Variants in ZBTB20 observed in about 807,000 individuals in gnomAD.
ZBTB20 encodes the protein zinc finger and BTB domain-containing protein 20.
A neutral mutation model predicts 56.9 loss-of-function variants in ZBTB20; 9 were observed. The observed-to-expected ratio is 0.16, with a 90% confidence interval of 0.10 to 0.28. The LOEUF (loss-of-function observed/expected upper bound fraction) is 0.28. Ranked by LOEUF, ZBTB20 falls within the 10% of genes least tolerant of loss-of-function variation. The pLI is 1.00. For missense variants in ZBTB20, 655 were observed against 1,003.0 expected, an observed-to-expected ratio of 0.65 and a Z score of 4.69; for synonymous variants, 417 against 420.7, an observed-to-expected ratio of 0.99 and a Z score of 0.11.
At chr3:115,143,710 T>G (rs2084884188) in intron 1 of ZBTB20, among the ~76,000 whole-genome samples, 1 of 152,204 alleles carries the variant, frequency 6.6e-6, no homozygotes, top group African/African-American at 2.4e-5. Context: ...TTTTATTAAT[T>G]TCAAAGACAT....
chr3:114,733,593 T>C (rs139392292), intron 5 of ZBTB20, among the ~76,000 whole-genome samples: 1 of 152,334 alleles, frequency 6.6e-6, no homozygotes, highest in African/African-American at 2.4e-5. Flanking sequence ...TACACTTTTC[T>C]ACCTCTTTTC....
chr3:114,860,542 G>A (rs7650935), intron 4 of ZBTB20, among the ~76,000 whole-genome samples: 12 of 152,252 alleles, frequency 7.9e-5, no homozygotes, highest in African/African-American at 2.6e-4. Flanking sequence ...TAGAGATTAC[G>A]TCATTACAAC....
intron 6 of ZBTB20, among the ~76,000 whole-genome samples, chr3:114,591,264 C>T (rs920246347): frequency 2.0e-5 from 3 of 152,056 alleles, no homozygotes; most frequent in African/African-American, 7.2e-5. Context: ...CATAAGAAAT[C>T]AGAGAAATAT....
intron 10 of ZBTB20, 132 bp downstream of exon 10, chr3:114,380,084 TG>T: frequency 1.1e-6 from 1 of 948,370 alleles, no homozygotes. Flanking sequence ...ATGAAAATGG[TG>T]GCACATTACT....
intron 6 of ZBTB20, among the ~76,000 whole-genome samples, chr3:114,624,714 G>T (rs752677677): frequency 6.6e-6 from 1 of 152,134 alleles, no homozygotes; most frequent in South Asian, 2.1e-4. Flanking sequence ...TTCAGGGAAG[G>T]GGGGAAGGGT....
Position 115,139,161 on chromosome 3 carries a change from T to C in ZBTB20, c.-703+8058A>G, listed in dbSNP as rs181194368. Among the ~76,000 whole-genome samples, 201 of 152,124 alleles carry C rather than the reference T, an allele frequency of 1.3e-3. 2 individuals are homozygous for C. Among genetic ancestry groups the C allele is most frequent in the African/African-American group, 4.7e-3 (196 of 41,540 alleles). ...ACGAGGTGATTTATAAAATATTATA[T>C]GATCAGTACCAGGAACATCTGGAGC... On this transcript the variant is annotated intron_variant, in intron 1 of 11. Transcript: ENST00000675478.
rs1303526340 is a variant in ZBTB20 at position 114,316,558 on chromosome 3, A to G, written c.*22447T>C. ...AAGTGTGTATACATTTATACATAAT[A>G]TAGTGTATATCGTTTCAACTGGAGA... On this transcript the variant is annotated 3_prime_UTR_variant, in exon 12 of 12. Transcript: ENST00000675478. The G allele has an allele frequency of 3.7e-6, 2 of 533,936 alleles. No homozygotes were observed. Among genetic ancestry groups the G allele is most frequent in the Admixed American group, 3.9e-5 (2 of 51,450 alleles). 33.1% of individuals were successfully genotyped at this position (533,936 alleles called of 1,614,324 possible).
chr3:115,126,219 A>C (rs2084328917), intron 1 of ZBTB20, among the ~76,000 whole-genome samples: 1 of 152,182 alleles, frequency 6.6e-6, no homozygotes, highest in Non-Finnish European at 1.5e-5. Flanking sequence ...TGTTAAAGAG[A>C]ATATGGGTCA....
At chr3:114,594,023 C>T (rs901689829) in intron 6 of ZBTB20, among the ~76,000 whole-genome samples, 1 of 152,270 alleles carries the variant, frequency 6.6e-6, no homozygotes, top group African/African-American at 2.4e-5. Context: ...TCCATCAACA[C>T]ATATGTCCCA....
At chr3:114,642,696 G>A (rs1312043207) in intron 6 of ZBTB20, among the ~76,000 whole-genome samples, 1 of 151,984 alleles carries the variant, frequency 6.6e-6, no homozygotes, top group East Asian at 1.9e-4. Context: ...TTCTGAAAAC[G>A]TTTTAAGTTA....
intron 5 of ZBTB20, among the ~76,000 whole-genome samples, chr3:114,767,481 A>G (rs993896147): frequency 9.2e-5 from 14 of 151,864 alleles, no homozygotes; most frequent in African/African-American, 3.1e-4. Context: ...ATTTTACCTT[A>G]TGAAGAGAAA....
chr3:114,455,061 GA>G (rs1162968883), intron 7 of ZBTB20, among the ~76,000 whole-genome samples: 4 of 143,412 alleles, frequency 2.8e-5, no homozygotes, highest in Non-Finnish European at 1.5e-5. Context: ...AGAGGGGGGG[GA>G]GAGAGAGAGA....
chr3:114,404,132 C>G (rs2087069999), intron 7 of ZBTB20, among the ~76,000 whole-genome samples: 3 of 152,176 alleles, frequency 2.0e-5, no homozygotes, highest in African/African-American at 7.2e-5. Context: ...AATACTGAAG[C>G]TATTTTTCCT....
chr3:114,785,380 T>C lies in ZBTB20; in HGVS notation c.-343+15721A>G, dbSNP rs536097257. Among the ~76,000 whole-genome samples the C allele has an allele frequency of 2.6e-5, 4 of 152,268 alleles. 1 individual carries two copies. In the South Asian group the frequency reaches 8.3e-4, roughly 32 times the overall value. ...ATCTTCAAACTATTAAATTATATTC[T>C]CTTTGTACGTCTAATGTGGAGACAA... On this transcript the variant is annotated intron_variant, in intron 5 of 11. Transcript: ENST00000675478.
rs191961198 is a variant in ZBTB20 at position 114,316,069 on chromosome 3, C to T, written c.*22936G>A. The T allele has an allele frequency of 5.1e-6, 1 of 197,720 alleles. No individual in the cohort carries two copies. Among genetic ancestry groups the T allele is most frequent in the East Asian group, 1.8e-4 (1 of 5,472 alleles). 12.2% of individuals were successfully genotyped at this position (197,720 alleles called of 1,614,324 possible). ...GTTTTGAGGTTTCTGACATCTTTCA[C>T]TGAAAAGGGCTTTCACTGTAGTAGT... On this transcript the variant is annotated 3_prime_UTR_variant, in exon 12 of 12. Coordinates refer to ENST00000675478, the MANE Select transcript of ZBTB20 (RefSeq NM_001348800.3).
At chr3:114,399,110 C>G (rs886068753) in intron 7 of ZBTB20, among the ~76,000 whole-genome samples, 6 of 152,098 alleles carry the variant, frequency 3.9e-5, no homozygotes, top group African/African-American at 1.4e-4. Flanking sequence ...GGTTCCCTAA[C>G]AGTGAATTTT....
chr3:114,480,539 A>G (rs1192079677), intron 7 of ZBTB20, among the ~76,000 whole-genome samples: 1 of 152,224 alleles, frequency 6.6e-6, no homozygotes, highest in Non-Finnish European at 1.5e-5. Context: ...ACGTTTGCTG[A>G]TAGGATCACT....
intron 2 of ZBTB20, among the ~76,000 whole-genome samples, chr3:115,013,635 GA>G (rs1460673812): frequency 1.3e-5 from 2 of 151,594 alleles, no homozygotes; most frequent in East Asian, 3.9e-4. Context: ...CAAATACTCT[GA>G]AAAACAGAGG....
rs2079010838 is a variant in ZBTB20, at chr3:114,324,849, TTGTC to T, written c.*14152_*14155del. The T allele has an allele frequency of 2.6e-5, 4 of 152,274 alleles. No individual in the cohort carries two copies. The South Asian group carries it at 8.3e-4, about 32-fold the overall frequency. The allele number at this position is 152,274 out of a possible 1,614,324, so 9.4% of individuals were successfully genotyped here. A position where few individuals can be genotyped will look rare whatever the true frequency, so the allele number is the denominator to read the frequency against. On this transcript the variant is annotated 3_prime_UTR_variant, in exon 12 of 12. Transcript: ENST00000675478. ...ATCCTCAGGAATCCGTTTCTTCAGT[TTGTC>T]TGGGTCTTCACCCTCCAAAGGTAAG...
Sources: allele counts gnomAD v4.1 joint callset (sites outside exome capture counted in the v4.1 genomes callset), GRCh38; gene constraint gnomAD v4.1.1; transcripts MANE v1.5; gene names NCBI Gene and HGNC (gene_info 2026-07-23, HGNC 2026-07-21).